The following DOCK2 variants were observed in gnomAD, a reference collection of about 807,000 sequenced individuals.
The protein encoded by DOCK2 is dedicator of cytokinesis 2.
Under a neutral mutation model 248.9 loss-of-function variants are expected in DOCK2, and 87 were observed. The observed-to-expected ratio is 0.35, with a 90% CI of 0.29 to 0.42. The LOEUF (loss-of-function observed/expected upper bound fraction) is 0.42. Ranked by LOEUF, DOCK2 falls within the 10% of genes least tolerant of loss-of-function variation. The probability of loss-of-function intolerance (pLI) is 1.00; values close to 1 mark genes in which losing one functional copy is unlikely to be tolerated. For synonymous variants in DOCK2, 805 were observed against 821.6 expected (o/e 0.98, Z 0.35); for missense variants, 1,747 against 2,300.2 (o/e 0.76, Z 4.92).
chr5:170,083,210 A>G lies in DOCK2; in HGVS notation c.*352A>G. On this transcript the variant is annotated 3_prime_UTR_variant, in exon 52 of 52. Coordinates refer to ENST00000520908, the MANE Select transcript of DOCK2 (RefSeq NM_004946.3). Reference sequence around the variant, plus strand: ...GTTTTTATCTCATTTATTAAGTCTCAGAACTTAACAGAAAAGGAAGCCTTT... The same window carrying G: ...GTTTTTATCTCATTTATTAAGTCTCGGAACTTAACAGAAAAGGAAGCCTTT... 4.9e-6 allele frequency: 1 copy of G among 202,784 alleles called. No individual in the cohort carries two copies. Among genetic ancestry groups the G allele is most frequent in the Non-Finnish European group, 9.9e-6 (1 of 101,400 alleles). The allele number at this position is 202,784 out of a possible 1,614,324, so 12.6% of individuals were successfully genotyped here. A position where few individuals can be genotyped will look rare whatever the true frequency, so the allele number is the denominator to read the frequency against.
chr5:169,981,466 G>A (rs552799545), intron 27 of DOCK2, among the ~76,000 whole-genome samples: 11 of 152,214 alleles, frequency 7.2e-5, no homozygotes, highest in South Asian at 2.1e-4. Context: ...TGCTCACTTC[G>A]TATCTCTGCA....
chr5:169,672,865 C>T (rs77985289), intron 5 of DOCK2, among the ~76,000 whole-genome samples: 11 of 152,222 alleles, frequency 7.2e-5, no homozygotes, highest in South Asian at 2.1e-4. Flanking sequence ...CATGTGATTA[C>T]GGTTTTATTA....
intron 46 of DOCK2, among the ~76,000 whole-genome samples, chr5:170,073,091 A>G (rs113047208): frequency 1.3e-5 from 2 of 152,348 alleles, no homozygotes; most frequent in African/African-American, 4.8e-5. Context: ...CCCCAAGATC[A>G]TGAAGATATT....
intron 33 of DOCK2, among the ~76,000 whole-genome samples, chr5:170,024,318 C>A (rs1455210300): frequency 6.8e-6 from 1 of 147,960 alleles, no homozygotes. Context: ...GGGGTAAGGA[C>A]TGTTGCAGCA....
intron 34 of DOCK2, among the ~76,000 whole-genome samples, chr5:170,029,480 C>G (rs1388866457): frequency 6.6e-6 from 1 of 152,180 alleles, no homozygotes; most frequent in Non-Finnish European, 1.5e-5. Flanking sequence ...TGAGTCTGGC[C>G]TCAGTATCCC....
chr5:169,656,514 T>C (rs1218706554), intron 2 of DOCK2, among the ~76,000 whole-genome samples: 1 of 152,252 alleles, frequency 6.6e-6, no homozygotes, highest in East Asian at 1.9e-4. Context: ...GGTTTCGCCA[T>C]GTTGGCCAGG....
At chr5:169,969,261 A>G (rs1415399715) in intron 27 of DOCK2, among the ~76,000 whole-genome samples, 1 of 152,094 alleles carries the variant, frequency 6.6e-6, no homozygotes, top group African/African-American at 2.4e-5. Context: ...CTTGGCCAAT[A>G]TGGTAAAACA....
chr5:170,044,664 A>C (rs1756636046), intron 38 of DOCK2, among the ~76,000 whole-genome samples: 1 of 152,194 alleles, frequency 6.6e-6, no homozygotes, highest in Non-Finnish European at 1.5e-5. Context: ...CCAGCACATA[A>C]AGCATTTTTA....
chr5:169,700,179 G>T, intron 13 of DOCK2, 40 bp downstream of exon 13: 2 of 1,592,870 alleles, frequency 1.3e-6, no homozygotes, highest in Non-Finnish European at 8.5e-7. Context: ...GGGGACATAG[G>T]GGCCAATTCA....
At chr5:170,017,848 C>T (rs1230312816) in intron 32 of DOCK2, among the ~76,000 whole-genome samples, 1 of 152,238 alleles carries the variant, frequency 6.6e-6, no homozygotes, top group Non-Finnish European at 1.5e-5. Context: ...TTCTTCTGCG[C>T]TCTGTGCTAA....
intron 27 of DOCK2, among the ~76,000 whole-genome samples, chr5:169,957,095 T>C (rs1322990290): frequency 6.6e-6 from 1 of 152,186 alleles, no homozygotes; most frequent in African/African-American, 2.4e-5. Flanking sequence ...CTGCACTTTG[T>C]ACTTTGCAGT....
intron 22 of DOCK2, among the ~76,000 whole-genome samples, chr5:169,728,671 G>A (rs527681356): frequency 2.0e-5 from 3 of 152,250 alleles, no homozygotes; most frequent in Non-Finnish European, 2.9e-5. Context: ...TGGTCCAAAG[G>A]CCATCAGAGC....
At chr5:169,880,748 A>G (rs7727697) in intron 27 of DOCK2, among the ~76,000 whole-genome samples, 53,921 of 152,144 alleles carry the variant, frequency 0.35, 10,999 homozygotes, top group Non-Finnish European at 0.45. Context: ...AAGTTAGCTG[A>G]TGGCAGACTT....
intron 38 of DOCK2, 151 bp downstream of exon 38, chr5:170,042,283 A>T: frequency 9.6e-7 from 1 of 1,046,858 alleles, no homozygotes; most frequent in Non-Finnish European, 1.3e-6. Flanking sequence ...CTCCATCTCC[A>T]TTCCTTCCAC....
intron 27 of DOCK2, among the ~76,000 whole-genome samples, chr5:169,878,855 A>G (rs1034566341): frequency 1.2e-4 from 19 of 152,196 alleles, no homozygotes; most frequent in African/African-American, 4.6e-4. Flanking sequence ...ACAGTAGTCA[A>G]AACCAAAGGA....
At chr5:169,922,867 A>T (rs1017934165) in intron 27 of DOCK2, among the ~76,000 whole-genome samples, 8 of 152,184 alleles carry the variant, frequency 5.3e-5, no homozygotes, top group Admixed American at 4.6e-4. Flanking sequence ...GGGAGCTTGA[A>T]ATTTGTATGT....
At chr5:169,975,091 A>G (rs937781123) in intron 27 of DOCK2, among the ~76,000 whole-genome samples, 4 of 152,190 alleles carry the variant, frequency 2.6e-5, no homozygotes, top group African/African-American at 9.7e-5. Flanking sequence ...ATGTAAAACT[A>G]AAGTCCATGC....
At chr5:169,713,726 A>T (rs1329680214) in intron 17 of DOCK2, among the ~76,000 whole-genome samples, 1 of 152,226 alleles carries the variant, frequency 6.6e-6, no homozygotes, top group Non-Finnish European at 1.5e-5. Flanking sequence ...TCTCAAAAAA[A>T]GGATGAATTA....
chr5:170,022,503 G>A lies in DOCK2; in HGVS notation c.3381+3395G>A, dbSNP rs148263880. On this transcript the variant is annotated intron_variant, in intron 33 of 51. Coordinates refer to ENST00000520908, the MANE Select transcript of DOCK2 (RefSeq NM_004946.3). ...CTCATGAGTGTAGCACTTCATCCCA[G>A]ACCATCTCGGGGGTCTCTGTCCATT... 2.1e-3 allele frequency among the ~76,000 whole-genome samples: 326 copies of A among 152,112 alleles called. 1 individual carries two copies. The highest frequency in any genetic ancestry group is 3.8e-3 in the Non-Finnish European group (257 of 68,012).
Sources: gnomAD v4.1 joint callset for allele counts (sites outside exome capture counted in the v4.1 genomes callset) on GRCh38, gnomAD v4.1.1 for gene constraint, MANE v1.5 for transcripts, NCBI Gene and HGNC (gene_info 2026-07-23, HGNC 2026-07-21) for gene names.